Variants in TENM2 observed in about 807,000 individuals in gnomAD.
TENM2 encodes the protein teneurin transmembrane protein 2, also known as teneurin-2.
TENM2 carries 52 observed loss-of-function variants against 245.2 expected under a neutral mutation model. That is an observed-to-expected ratio of 0.21 (90% CI 0.17 to 0.27). The LOEUF is 0.27. Among genes scored for constraint, TENM2 ranks in the 10% least tolerant of loss-of-function variants. TENM2 has a pLI of 1.00. For synonymous variants in TENM2, 1,363 were observed against 1,438.9 expected, an observed-to-expected ratio of 0.95 and a Z score of 1.19; for missense variants, 3,046 against 3,666.8, an observed-to-expected ratio of 0.83 and a Z score of 4.37.
At chr5:168,203,350 A>G (rs1413367314) in intron 17 of TENM2, among the ~76,000 whole-genome samples, 1 of 152,236 alleles carries the variant, frequency 6.6e-6, no homozygotes, top group African/African-American at 2.4e-5. Flanking sequence ...TCTCCTGTCC[A>G]TCTCTAAAGG....
chr5:167,481,713 G>A (rs892308700), intron 2 of TENM2, among the ~76,000 whole-genome samples: 2 of 152,172 alleles, frequency 1.3e-5, no homozygotes, highest in Admixed American at 1.3e-4. Flanking sequence ...TACAATAAAT[G>A]CCGGTGATAG....
At chr5:167,919,502 T>C (rs1777190695) in intron 3 of TENM2, among the ~76,000 whole-genome samples, 1 of 152,226 alleles carries the variant, frequency 6.6e-6, no homozygotes, top group African/African-American at 2.4e-5. Context: ...GCAAGCAAAT[T>C]ATAGTTTAAG....
chr5:167,353,525 T>TTTTTTTTTTATG (rs869236483), intron 1 of TENM2, among the ~76,000 whole-genome samples: 1 of 141,136 alleles, frequency 7.1e-6, no homozygotes, highest in African/African-American at 2.6e-5. Flanking sequence ...TTTTTTTTTT[T>TTTTTTTTTTATG]GAGACGGAGT....
At chr5:167,838,210 T>C (rs1583149811) in intron 2 of TENM2, among the ~76,000 whole-genome samples, 1 of 152,218 alleles carries the variant, frequency 6.6e-6, no homozygotes, top group East Asian at 1.9e-4. Context: ...AATATCTGAT[T>C]ACCTGGCTCA....
At chr5:167,063,542 G>A in the TENM2 span, among the ~76,000 whole-genome samples, 1 of 152,078 alleles carries the variant, frequency 6.6e-6, no homozygotes, top group South Asian at 2.1e-4. Flanking sequence ...CAGGGGTGGG[G>A]GAATCTCATT....
intron 2 of TENM2, among the ~76,000 whole-genome samples, chr5:167,437,077 C>G (rs1159873250): frequency 6.6e-6 from 1 of 152,100 alleles, no homozygotes; most frequent in African/African-American, 2.4e-5. Flanking sequence ...TCCTCCAGAC[C>G]CCAGAATGGT....
chr5:168,056,313 A>AT (rs754319088), intron 6 of TENM2, among the ~76,000 whole-genome samples: 6 of 152,152 alleles, frequency 3.9e-5, no homozygotes, highest in Non-Finnish European at 7.3e-5. Context: ...GTATTTGTAC[A>AT]TTTTTCTCTT....
intron 4 of TENM2, among the ~76,000 whole-genome samples, chr5:167,976,496 C>T (rs1384114250): frequency 6.6e-6 from 1 of 152,136 alleles, no homozygotes; most frequent in African/African-American, 2.4e-5. Flanking sequence ...CTGTATCTAA[C>T]ATTAGTAATA....
intron 1 of TENM2, among the ~76,000 whole-genome samples, chr5:167,361,297 C>A (rs1759699320): frequency 1.3e-5 from 2 of 152,164 alleles, no homozygotes; most frequent in Non-Finnish European, 2.9e-5. Flanking sequence ...GTCAAATTTA[C>A]CTCAAATCCT....
At chr5:167,582,130 C>G (rs1408578432) in intron 2 of TENM2, among the ~76,000 whole-genome samples, 2 of 152,116 alleles carry the variant, frequency 1.3e-5, no homozygotes, top group East Asian at 3.9e-4. Context: ...TCTGAATTCT[C>G]TGTTACCACT....
intron 2 of TENM2, among the ~76,000 whole-genome samples, chr5:167,598,419 C>A (rs1164228102): frequency 6.6e-6 from 1 of 152,148 alleles, no homozygotes; most frequent in Non-Finnish European, 1.5e-5. Flanking sequence ...CTCCTGAAAT[C>A]TCAAGGGGGA....
the TENM2 span, among the ~76,000 whole-genome samples, chr5:166,989,729 A>C: frequency 4.7e-4 from 71 of 151,392 alleles, no homozygotes; most frequent in African/African-American, 1.6e-3. Flanking sequence ...CCTTATATGG[A>C]GAATAACCCA....
chr5:168,011,963 C>T, intron 5 of TENM2, among the ~76,000 whole-genome samples: 1 of 152,180 alleles, frequency 6.6e-6, no homozygotes, highest in East Asian at 1.9e-4. Flanking sequence ...GGCCAAATAA[C>T]TTATGCATAG....
chr5:167,266,627 G>A, the TENM2 span, among the ~76,000 whole-genome samples: 2 of 152,084 alleles, frequency 1.3e-5, no homozygotes, highest in African/African-American at 4.8e-5. Flanking sequence ...ATGCTTTTAT[G>A]TAATCTTAAG....
At chr5:167,293,853 AG>A (rs1370046658) in intron 1 of TENM2, among the ~76,000 whole-genome samples, 1 of 152,010 alleles carries the variant, frequency 6.6e-6, no homozygotes, top group East Asian at 1.9e-4. Flanking sequence ...TACGGATCCC[AG>A]GCAAGGAAAA....
At chr5:167,462,401 T>A (rs1158123712) in intron 2 of TENM2, among the ~76,000 whole-genome samples, 1 of 152,082 alleles carries the variant, frequency 6.6e-6, no homozygotes, top group East Asian at 1.9e-4. Context: ...AGCTCTTCTG[T>A]TCACAGACGG....
chr5:167,910,356 A>G (rs1776450766), intron 3 of TENM2, among the ~76,000 whole-genome samples: 1 of 152,208 alleles, frequency 6.6e-6, no homozygotes, highest in Admixed American at 6.5e-5. Flanking sequence ...GAAAATGACA[A>G]TCACACAGAT....
chr5:167,647,452 G>A (rs1780037040), intron 2 of TENM2, among the ~76,000 whole-genome samples: 1 of 151,918 alleles, frequency 6.6e-6, no homozygotes, highest in African/African-American at 2.4e-5. Context: ...GTGAAACCCC[G>A]TCTCTACTAA....
chr5:168,229,340 TCAG>T (rs1764611060), intron 25 of TENM2, among the ~76,000 whole-genome samples: 1 of 152,076 alleles, frequency 6.6e-6, no homozygotes, highest in Non-Finnish European at 1.5e-5. Context: ...CCAGAGCTTC[TCAG>T]CAGAAGTGGA....
Sources: allele counts gnomAD v4.1 joint callset (sites outside exome capture counted in the v4.1 genomes callset), GRCh38; gene constraint gnomAD v4.1.1; transcripts MANE v1.5; gene names NCBI Gene and HGNC (gene_info 2026-07-23, HGNC 2026-07-21).